CNTNAP4: variants seen among roughly 807,000 people sequenced by gnomAD.
CNTNAP4 encodes the protein contactin-associated protein-like 4.
A neutral mutation model predicts 148.4 loss-of-function variants in CNTNAP4; 98 were observed. That is an observed-to-expected ratio of 0.66 (90% CI 0.56 to 0.78). The LOEUF (loss-of-function observed/expected upper bound fraction) is 0.78. CNTNAP4 is among the 30% of genes least tolerant of loss of function. The probability of loss-of-function intolerance (pLI) is 0.00; values close to 1 mark genes in which losing one functional copy is unlikely to be tolerated. For missense variants in CNTNAP4, 1,935 were observed against 1,565.6 expected, an observed-to-expected ratio of 1.24 and a Z score of -3.98; for synonymous variants, 730 against 565.1, an observed-to-expected ratio of 1.29 and a Z score of -4.14.
At chr16:76,549,504 C>T (rs1472788169) in intron 21 of CNTNAP4, among the ~76,000 whole-genome samples, 1 of 151,990 alleles carries the variant, frequency 6.6e-6, no homozygotes, top group Admixed American at 6.6e-5. Context: ...AGACTTAAAA[C>T]CATTCAACAT....
chr16:76,315,876 T>G (rs1392663688), intron 1 of CNTNAP4, among the ~76,000 whole-genome samples: 1 of 152,058 alleles, frequency 6.6e-6, no homozygotes. Flanking sequence ...ACCACAGGTG[T>G]GAGCCACCAC....
At position 76,461,942 on chromosome 16, in the gene CNTNAP4, T is replaced by C; in HGVS notation, c.1334-14T>C. 6.2e-7 allele frequency: 1 copy of C among 1,612,834 alleles called. No individual in the cohort carries two copies. The highest frequency in any genetic ancestry group is 8.5e-7 in the Non-Finnish European group (1 of 1,179,008). On this transcript the variant is annotated splice_polypyrimidine_tract_variant and intron_variant, in intron 8 of 23. Transcript: ENST00000611870. ...ACTATTGAGAGCGATCTCTAACTGATTTCATCTCCCTAGGTGTCGAATTAA... is the reference window on the plus strand; with the variant it reads ...ACTATTGAGAGCGATCTCTAACTGACTTCATCTCCCTAGGTGTCGAATTAA...
chr16:76,517,275 T>C (rs547967285), intron 15 of CNTNAP4, among the ~76,000 whole-genome samples: 85 of 152,252 alleles, frequency 5.6e-4, no homozygotes, highest in African/African-American at 2.0e-3. Context: ...GCAATAGAAA[T>C]GTTCTGCCTC....
intron 10 of CNTNAP4, among the ~76,000 whole-genome samples, chr16:76,473,869 T>TG (rs386418867): frequency 3.7e-4 from 2 of 5,374 alleles, no homozygotes; most frequent in Non-Finnish European, 4.9e-3. Context: ...TTGTTTTGTT[T>TG]TGTTTTTTAA....
intron 2 of CNTNAP4, among the ~76,000 whole-genome samples, chr16:76,333,288 A>G (rs895753610): frequency 6.6e-6 from 1 of 152,034 alleles, no homozygotes; most frequent in Non-Finnish European, 1.5e-5. Context: ...TGTATGTACT[A>G]CGCTTTCTGT....
intron 1 of CNTNAP4, among the ~76,000 whole-genome samples, chr16:76,294,876 G>C (rs1959196539): frequency 1.3e-5 from 2 of 152,198 alleles, no homozygotes; most frequent in Non-Finnish European, 2.9e-5. Context: ...ATTGAGAACA[G>C]AAGTTTCGAC....
At chr16:76,300,160 A>G (rs1417058676) in intron 1 of CNTNAP4, among the ~76,000 whole-genome samples, 1 of 152,102 alleles carries the variant, frequency 6.6e-6, no homozygotes, top group Non-Finnish European at 1.5e-5. Flanking sequence ...ATAAAAAAAG[A>G]AGTTAAGGCA....
At chr16:76,323,691 C>A (rs1474607170) in intron 2 of CNTNAP4, among the ~76,000 whole-genome samples, 1 of 152,102 alleles carries the variant, frequency 6.6e-6, no homozygotes, top group African/African-American at 2.4e-5. Context: ...TTCCTTAGAA[C>A]ATGCTGCACC....
At chr16:76,306,533 G>C (rs886674898) in intron 1 of CNTNAP4, among the ~76,000 whole-genome samples, 19 of 152,320 alleles carry the variant, frequency 1.2e-4, no homozygotes, top group South Asian at 2.1e-4. Context: ...AAAGCAAAAA[G>C]TGAAAAATCT....
chr16:76,293,992 CCTGT>C (rs1959181843), intron 1 of CNTNAP4, among the ~76,000 whole-genome samples: 1 of 151,980 alleles, frequency 6.6e-6, no homozygotes, highest in Non-Finnish European at 1.5e-5. Flanking sequence ...AGAGAAAGTC[CCTGT>C]CTGTCTATCT....
In CNTNAP4 at chr16:76,497,231, A is replaced by G. The variant is rs532000444; in HGVS notation, c.2238-1336A>G. ...TTTATAACATATGGATTTACAATAT[A>G]TTACAGCAATAGATAAAAGAATATG... On this transcript the variant is annotated intron_variant, in intron 14 of 23. Coordinates refer to ENST00000611870, the MANE Select transcript of CNTNAP4 (RefSeq NM_033401.5). Among the ~76,000 whole-genome samples, 16 of 152,304 alleles carry G rather than the reference A, an allele frequency of 1.1e-4. No homozygotes were observed. The South Asian group carries it at 3.1e-3, about 30-fold the overall frequency.
rs147825376 is a variant in CNTNAP4, at chr16:76,543,278, C to A, written c.3442+2488C>A. Among the ~76,000 whole-genome samples the A allele has an allele frequency of 4.9e-3, 742 of 152,160 alleles. 4 individuals carry two copies. The highest frequency in any genetic ancestry group is 0.015 in the African/African-American group (616 of 41,510). ...TCAAAGGAAACCCATAACTTGTGGT[C>A]AAATTTTGTGTGGTATATGAATTTA... On this transcript the variant is annotated intron_variant, in intron 21 of 23. Transcript: ENST00000611870.
At chr16:76,491,316 G>A (rs2082212337) in intron 13 of CNTNAP4, among the ~76,000 whole-genome samples, 2 of 152,322 alleles carry the variant, frequency 1.3e-5, no homozygotes, top group African/African-American at 2.4e-5. Context: ...CTGGAGGTGT[G>A]GGTGTGTTTC....
chr16:76,386,633 C>G (rs2016538524), intron 3 of CNTNAP4, among the ~76,000 whole-genome samples: 1 of 152,050 alleles, frequency 6.6e-6, no homozygotes. Context: ...TACTTAGGCA[C>G]AATAAGTGAA....
At chr16:76,302,509 A>T (rs1269250797) in intron 1 of CNTNAP4, among the ~76,000 whole-genome samples, 1 of 152,050 alleles carries the variant, frequency 6.6e-6, no homozygotes. Context: ...CAGGCCTGTA[A>T]GATAAATTTC....
At chr16:76,342,099 A>G (rs1964513448) in intron 2 of CNTNAP4, among the ~76,000 whole-genome samples, 1 of 152,222 alleles carries the variant, frequency 6.6e-6, no homozygotes, top group Non-Finnish European at 1.5e-5. Context: ...TTTTGAAAGC[A>G]TCATCCCTCA....
intron 3 of CNTNAP4, among the ~76,000 whole-genome samples, chr16:76,419,612 A>C (rs919139862): frequency 6.6e-6 from 1 of 151,894 alleles, no homozygotes; most frequent in Non-Finnish European, 1.5e-5. Context: ...AGGTGGATGG[A>C]TCTCAGCTCT....
At chr16:76,521,394 T>G in intron 16 of CNTNAP4, 84 bp downstream of exon 16, 1 of 1,081,068 alleles carries the variant, frequency 9.3e-7, no homozygotes, top group Non-Finnish European at 1.3e-6. Context: ...TACTCATGTG[T>G]CTACTTTATC....
chr16:76,293,454 A>G (rs1959172869), intron 1 of CNTNAP4, among the ~76,000 whole-genome samples: 1 of 152,152 alleles, frequency 6.6e-6, no homozygotes, highest in Non-Finnish European at 1.5e-5. Flanking sequence ...TGATATAACA[A>G]TATTTATGAG....
Sources: gnomAD v4.1 joint callset for allele counts (sites outside exome capture counted in the v4.1 genomes callset) on GRCh38, gnomAD v4.1.1 for gene constraint, MANE v1.5 for transcripts, NCBI Gene and HGNC (gene_info 2026-07-23, HGNC 2026-07-21) for gene names.